UBXN7: variants seen among roughly 807,000 people sequenced by gnomAD.
UBXN7 encodes the protein UBX domain protein 7, also known as UBX domain-containing protein 7.
A neutral mutation model predicts 58.0 loss-of-function variants in UBXN7; 9 were observed. That is an observed-to-expected ratio of 0.16 (90% CI 0.09 to 0.27). The LOEUF is 0.27. Ranked by LOEUF, UBXN7 falls within the 10% of genes least tolerant of loss-of-function variation. The pLI, the probability that UBXN7 is intolerant of heterozygous loss-of-function variation, is 1.00. For missense variants in UBXN7, 328 were observed against 599.6 expected (o/e 0.55, Z 4.73); for synonymous variants, 208 against 205.0 (o/e 1.01, Z -0.12).
At chr3:196,382,980 G>A (rs1385739974) in intron 5 of UBXN7, among the ~76,000 whole-genome samples, 2 of 152,056 alleles carry the variant, frequency 1.3e-5, no homozygotes, top group Non-Finnish European at 2.9e-5. Context: ...GCTGGGCGTG[G>A]TGGCAGGCGC....
At chr3:196,396,624 G>A (rs549594051) in intron 3 of UBXN7, among the ~76,000 whole-genome samples, 2 of 151,884 alleles carry the variant, frequency 1.3e-5, no homozygotes, top group Non-Finnish European at 2.9e-5. Context: ...TTAGTCAGGC[G>A]TGGTGGCGGG....
At chr3:196,361,614 C>T (rs890243589) in intron 10 of UBXN7, among the ~76,000 whole-genome samples, 1 of 152,186 alleles carries the variant, frequency 6.6e-6, no homozygotes, top group African/African-American at 2.4e-5. Context: ...TATCAAGACC[C>T]TCCACCAACA....
chr3:196,401,846 A>C lies in UBXN7; in HGVS notation c.289+1106T>G, dbSNP rs1020075271. ...AAGAGAGAAGAGAAGAGAAGAGAAG[A>C]GAAGAGAAGAGAAGAAAAACTACCT... On this transcript the variant is annotated intron_variant, in intron 3 of 10. Coordinates refer to ENST00000296328, the MANE Select transcript of UBXN7 (RefSeq NM_015562.2). 3.6e-4 allele frequency among the ~76,000 whole-genome samples: 55 copies of C among 150,834 alleles called. 1 individual carries two copies. Among genetic ancestry groups the C allele is most frequent in the African/African-American group, 1.0e-3 (42 of 41,162 alleles).
chr3:196,386,319 T>C (rs1299466438), intron 5 of UBXN7, among the ~76,000 whole-genome samples: 2 of 143,468 alleles, frequency 1.4e-5, no homozygotes, highest in Non-Finnish European at 3.0e-5. Flanking sequence ...CCTCCACTAC[T>C]GTCCTATGAC....
chr3:196,420,356 C>T (rs1264098295), intron 1 of UBXN7, among the ~76,000 whole-genome samples: 1 of 151,816 alleles, frequency 6.6e-6, no homozygotes, highest in Non-Finnish European at 1.5e-5. Flanking sequence ...CGCGAAACCC[C>T]GTCTCTACTG....
chr3:196,432,206 G>A (rs1162176903), intron 1 of UBXN7, 121 bp downstream of exon 1: 2 of 1,387,274 alleles, frequency 1.4e-6, no homozygotes, highest in Non-Finnish European at 2.0e-6. Context: ...CCTCAGGAGG[G>A]AGGACGGCAG....
chr3:196,429,562 G>A (rs1380245165), intron 1 of UBXN7, among the ~76,000 whole-genome samples: 1 of 151,602 alleles, frequency 6.6e-6, no homozygotes, highest in Non-Finnish European at 1.5e-5. Context: ...CAAGAATATT[G>A]AGCTTCCAAG....
At chr3:196,393,959 G>T (rs950247215) in intron 3 of UBXN7, 54 of 180,344 alleles carry the variant, frequency 3.0e-4, no homozygotes, top group Non-Finnish European at 5.9e-5. Flanking sequence ...GAAAATTCAG[G>T]CCCAGTTACA....
In UBXN7 at chr3:196,356,915, T is replaced by C. The variant is rs545034396; in HGVS notation, c.1309-69A>G. The C allele has an allele frequency of 1.5e-5, 22 of 1,513,738 alleles. No individual in the cohort carries two copies. The South Asian group carries it at 2.0e-4, about 14-fold the overall frequency. 93.8% of individuals were successfully genotyped at this position (1,513,738 alleles called of 1,614,324 possible). A position where few individuals can be genotyped will look rare whatever the true frequency, so the allele number is the denominator to read the frequency against. On this transcript the variant is annotated intron_variant, in intron 10 of 10. Transcript: ENST00000296328. ...GGAAAGAGCATATTAGTGAATTAAATAGAAAACATTCTCTTTTTAATCATA... is the reference window on the plus strand; with the variant it reads ...GGAAAGAGCATATTAGTGAATTAAACAGAAAACATTCTCTTTTTAATCATA...
intron 5 of UBXN7, among the ~76,000 whole-genome samples, chr3:196,390,571 C>A (rs909635555): frequency 3.9e-5 from 6 of 152,000 alleles, no homozygotes; most frequent in Admixed American, 2.0e-4. Context: ...GAAACCCCGT[C>A]TCTACTAAAA....
intron 3 of UBXN7, among the ~76,000 whole-genome samples, chr3:196,399,477 T>G (rs1426053742): frequency 6.6e-6 from 1 of 152,148 alleles, no homozygotes. Flanking sequence ...CACTCTGTTA[T>G]ACAGGCTGCA....
chr3:196,388,919 A>C (rs1283717310), intron 5 of UBXN7, among the ~76,000 whole-genome samples: 1 of 152,096 alleles, frequency 6.6e-6, no homozygotes, highest in Non-Finnish European at 1.5e-5. Context: ...GTATAATATT[A>C]TCAGTGAAAA....
intron 5 of UBXN7, among the ~76,000 whole-genome samples, chr3:196,381,790 C>A (rs958061765): frequency 1.3e-5 from 2 of 152,178 alleles, no homozygotes; most frequent in African/African-American, 4.8e-5. Flanking sequence ...TAGAGAAGAA[C>A]TTAAATGACC....
At chr3:196,379,783 C>T (rs1729144360) in intron 5 of UBXN7, among the ~76,000 whole-genome samples, 1 of 152,150 alleles carries the variant, frequency 6.6e-6, no homozygotes, top group Admixed American at 6.5e-5. Flanking sequence ...AAAGATGTTA[C>T]TGGGCCCCAC....
rs1728342059 is a variant in UBXN7, at chr3:196,356,186, C to T, written c.*499G>A. 1 of 152,686 alleles carries T rather than the reference C, an allele frequency of 6.5e-6. No individual in the cohort carries two copies. 9.5% of individuals were successfully genotyped at this position (152,686 alleles called of 1,614,324 possible). A position where few individuals can be genotyped will look rare whatever the true frequency, so the allele number is the denominator to read the frequency against. On this transcript the variant is annotated 3_prime_UTR_variant, in exon 11 of 11. Transcript: ENST00000296328. ...TTAAGCGACATTTCCACATGAAGAA[C>T]ACAACAAAACCAAACCCATGTTAGA...
At chr3:196,396,396 TAAA>T (rs79527660) in intron 3 of UBXN7, among the ~76,000 whole-genome samples, 1,985 of 141,928 alleles carry the variant, frequency 0.014, 20 homozygotes, top group African/African-American at 0.033. Context: ...CCCTGTCTCT[TAAA>T]AAAAAAAAAA....
intron 1 of UBXN7, among the ~76,000 whole-genome samples, chr3:196,426,279 A>G (rs967753760): frequency 2.0e-5 from 3 of 151,230 alleles, no homozygotes; most frequent in Admixed American, 6.6e-5. Context: ...CCAGCTGCTC[A>G]GGAGGCTGAG....
chr3:196,406,712 G>A (rs150632945), intron 2 of UBXN7, among the ~76,000 whole-genome samples: 41 of 151,786 alleles, frequency 2.7e-4, no homozygotes, highest in African/African-American at 7.5e-4. Context: ...CCAAAGTGCC[G>A]GGATTACAGG....
intron 1 of UBXN7, chr3:196,432,105 G>C: frequency 1.5e-6 from 1 of 660,960 alleles, no homozygotes; most frequent in South Asian, 1.7e-5. Flanking sequence ...CTCCCTCCAC[G>C]CTACTAGGAG....
Sources: gnomAD v4.1 joint callset for allele counts (sites outside exome capture counted in the v4.1 genomes callset) on GRCh38, gnomAD v4.1.1 for gene constraint, MANE v1.5 for transcripts, NCBI Gene and HGNC (gene_info 2026-07-23, HGNC 2026-07-21) for gene names.